Variants in TMEM59 observed in about 807,000 individuals in gnomAD.
TMEM59 encodes dendritic cell factor 1.
Under a neutral mutation model 42.2 loss-of-function variants are expected in TMEM59, and 44 were observed. The observed-to-expected ratio is 1.04, with a 90% CI of 0.82 to 1.34. The LOEUF (loss-of-function observed/expected upper bound fraction) is 1.34, where lower values mean the gene tolerates loss of function less well. Among genes scored for constraint, TMEM59 ranks in the 40% most tolerant of loss-of-function variants. The pLI is 0.00. For missense variants in TMEM59, 359 were observed against 382.8 expected, an observed-to-expected ratio of 0.94 and a Z score of 0.52; for synonymous variants, 148 against 145.8, an observed-to-expected ratio of 1.02 and a Z score of -0.11.
At position 54,032,164 on chromosome 1, in the gene TMEM59, G is replaced by A. The variant is rs765945532; in HGVS notation, c.958C>T (p.His320Tyr). The change falls in exon 8 of 8, where the codon CAT (histidine) becomes TAT (tyrosine). Residue 320 changes from histidine to tyrosine, a missense_variant. By Grantham distance (83) the His-to-Tyr change is moderately conservative. Transcript: ENST00000234831. ...AAGAAAAATGCTTAAATTTCAGAAT[G>A]AGCAAGATTCACTTTTGTAGGTAGA... ...GPLPTKVNLA[H>Y]SEI 3 of 1,608,958 alleles carry A rather than the reference G, an allele frequency of 1.9e-6. No individual in the cohort carries two copies. The highest frequency in any genetic ancestry group is 1.7e-5 in the Admixed American group (1 of 59,058).
At chr1:54,051,403 A>G (rs1469964053) in intron 1 of TMEM59, among the ~76,000 whole-genome samples, 1 of 152,178 alleles carries the variant, frequency 6.6e-6, no homozygotes, top group Admixed American at 6.5e-5. Flanking sequence ...TCCAGGACCT[A>G]TAGGGAGCCA....
At chr1:54,035,148 C>T (rs979257223) in intron 7 of TMEM59, among the ~76,000 whole-genome samples, 2 of 152,188 alleles carry the variant, frequency 1.3e-5, no homozygotes, top group Admixed American at 6.5e-5. Flanking sequence ...CAGGTACCTA[C>T]ATCAATTATA....
Position 54,027,158 on chromosome 1 carries a change from T to C in TMEM59, c.*4992A>G, listed in dbSNP as rs191111152. On this transcript the variant is annotated 3_prime_UTR_variant, in exon 8 of 8. Transcript: ENST00000234831. Reference sequence around the variant, plus strand: ...AGAGTACCTGTGACTTTGTCACCAATAGAAATGAGACATTTAGATATATTA... The same window carrying C: ...AGAGTACCTGTGACTTTGTCACCAACAGAAATGAGACATTTAGATATATTA... 6.6e-4 allele frequency: 100 copies of C among 152,314 alleles called. No homozygotes were observed. The highest frequency in any genetic ancestry group is 2.1e-3 in the African/African-American group (89 of 41,564). 9.4% of individuals were successfully genotyped at this position (152,314 alleles called of 1,614,324 possible).
At chr1:54,043,291 G>T in intron 4 of TMEM59, 82 bp downstream of exon 4, 1 of 1,189,748 alleles carries the variant, frequency 8.4e-7, no homozygotes, top group Non-Finnish European at 1.1e-6. Context: ...ACTGAGTATG[G>T]TTCTATGCTG....
At chr1:54,053,339 G>A (rs1398939738), upstream of TMEM59, 9 of 831,934 alleles carry the variant, frequency 1.1e-5, no homozygotes, top group Admixed American at 2.9e-5. Context: ...GCCAGAAACT[G>A]CCGCCTCCTG....
chr1:54,041,607 C>A, intron 5 of TMEM59, 117 bp downstream of exon 5: 1 of 781,554 alleles, frequency 1.3e-6, no homozygotes, highest in Non-Finnish European at 2.0e-6. Flanking sequence ...TTGAGAACCA[C>A]TGTTTTAGAA....
In TMEM59 at chr1:54,041,757, T is replaced by C; in HGVS notation, c.592A>G (p.Asn198Asp). ...YAPHLEQEPTNLRESSLSKMS... is the reference protein window; with the variant it reads ...YAPHLEQEPTDLRESSLSKMS... ...TTGCTTAGAGATGATTCTCTCAAAT[T>C]TGTAGGCTCCTGCTCCAAATGTGGT... Residue 198 changes from asparagine (N) to aspartate (D), a missense_variant, in exon 5 of 8, where the codon AAT becomes GAT. Asn to Asp is a conservative substitution (Grantham distance 23). Coordinates refer to ENST00000234831, the MANE Select transcript of TMEM59 (RefSeq NM_004872.5). 2 of 1,613,788 alleles carry C rather than the reference T, an allele frequency of 1.2e-6. No homozygotes were observed. The highest frequency in any genetic ancestry group is 1.7e-6 in the Non-Finnish European group (2 of 1,179,836).
intron 7 of TMEM59, chr1:54,034,757 G>A (rs1656890281): frequency 2.0e-5 from 3 of 152,216 alleles, no homozygotes; most frequent in Non-Finnish European, 4.4e-5. Context: ...CTCAGCGACA[G>A]TGCGAGACCC....
At chr1:54,053,562 G>T (rs373486407), upstream of TMEM59, 67 of 229,634 alleles carry the variant, frequency 2.9e-4, no homozygotes, top group African/African-American at 1.3e-3. Flanking sequence ...CCTTCCGCCC[G>T]CATTTCTTCG....
At chr1:54,040,976 C>A in intron 5 of TMEM59, 139 bp from the exon 6 acceptor site, 1 of 642,802 alleles carries the variant, frequency 1.6e-6, no homozygotes, top group African/African-American at 1.8e-5. Flanking sequence ...TAATGTGTAC[C>A]AGTTTCTCTA....
At chr1:54,045,194 GGGAGCTACTGATTATATAAGACA>G (rs1221021539) in intron 3 of TMEM59, among the ~76,000 whole-genome samples, 1 of 152,084 alleles carries the variant, frequency 6.6e-6, no homozygotes, top group African/African-American at 2.4e-5. Context: ...ATATGTAATT[GGGAGCTACTGATTATATAAGACA>G]GGAGAATGGC....
chr1:54,038,787 G>T (rs1657039528), intron 6 of TMEM59, among the ~76,000 whole-genome samples: 2 of 152,102 alleles, frequency 1.3e-5, no homozygotes, highest in African/African-American at 4.8e-5. Flanking sequence ...TTATCACAGG[G>T]TATTGTTCTA....
At position 54,046,618 on chromosome 1, in the gene TMEM59, T is replaced by C. The variant is rs571297168; in HGVS notation, c.295+649A>G. On this transcript the variant is annotated intron_variant, in intron 2 of 7. Coordinates refer to ENST00000234831, the MANE Select transcript of TMEM59 (RefSeq NM_004872.5). ...AAGCCGCAAAAATACGGTTATGATATCAAAGAAGACTGTATGTGAGCCATG... is the reference window on the plus strand; with the variant it reads ...AAGCCGCAAAAATACGGTTATGATACCAAAGAAGACTGTATGTGAGCCATG... Among the ~76,000 whole-genome samples, 4 of 152,320 alleles carry C rather than the reference T, an allele frequency of 2.6e-5. No homozygotes were observed. In the South Asian group the frequency reaches 8.3e-4, roughly 32 times the overall value.
Position 54,031,990 on chromosome 1 carries a change from CAATAAAGT to C in TMEM59, c.*152_*159del. On this transcript the variant is annotated 3_prime_UTR_variant, in exon 8 of 8. Transcript: ENST00000234831. The stretch of plus-strand genomic sequence containing the variant: ...TCTTAAATTACTACAAAAACAATAC[CAATAAAGT>C]TATAGCAAATACAGTCTTCACAGAT... 1 of 552,836 alleles carries C rather than the reference CAATAAAGT, an allele frequency of 1.8e-6. No homozygotes were observed. Among genetic ancestry groups the C allele is most frequent in the Non-Finnish European group, 2.9e-6 (1 of 349,390 alleles). The allele number at this position is 552,836 out of a possible 1,614,324, so 34.2% of individuals were successfully genotyped here. A position where few individuals can be genotyped will look rare whatever the true frequency, so the allele number is the denominator to read the frequency against.
chr1:54,042,056 GTT>G (rs1366775381), intron 4 of TMEM59, among the ~76,000 whole-genome samples: 6 of 131,364 alleles, frequency 4.6e-5, no homozygotes, highest in Non-Finnish European at 5.1e-5. Context: ...GTTTTGTTTT[GTT>G]TTTTTTTTTT....
chr1:54,041,877 AATC>A (rs1295195090), intron 4 of TMEM59, 72 bp from the exon 5 acceptor site: 3 of 1,186,366 alleles, frequency 2.5e-6, no homozygotes, highest in Non-Finnish European at 3.7e-6. Flanking sequence ...TTCTAAAACA[AATC>A]ATCTCTTTAA....
upstream of TMEM59, chr1:54,053,235 G>C (rs1233114547): frequency 1.9e-6 from 3 of 1,600,732 alleles, no homozygotes; most frequent in Admixed American, 3.4e-5. Flanking sequence ...TGTTTTCTCG[G>C]AAGGGTTTCC....
chr1:54,042,969 T>C (rs1365895863), intron 4 of TMEM59, among the ~76,000 whole-genome samples: 4 of 152,154 alleles, frequency 2.6e-5, no homozygotes, highest in Admixed American at 1.3e-4. Context: ...CTTATTAGAG[T>C]CATGAGTAAA....
intron 3 of TMEM59, chr1:54,043,891 T>C (rs2100321515): frequency 6.6e-6 from 1 of 152,464 alleles, no homozygotes; most frequent in South Asian, 2.1e-4. Flanking sequence ...TCATCTTTAA[T>C]GCTTTCATCA....
Sources: gnomAD v4.1 joint callset for allele counts (sites outside exome capture counted in the v4.1 genomes callset) on GRCh38, gnomAD v4.1.1 for gene constraint, MANE v1.5 for transcripts, NCBI Gene and HGNC (gene_info 2026-07-23, HGNC 2026-07-21) for gene names.